Variants in DPP10 observed in about 807,000 individuals in gnomAD.
The protein encoded by DPP10 is inactive dipeptidyl peptidase 10.
In DPP10, 33 loss-of-function variants were observed where a neutral mutation model predicts 120.9. The observed-to-expected ratio is 0.27, with a 90% confidence interval of 0.21 to 0.37. The LOEUF is 0.37. Among genes scored for constraint, DPP10 ranks in the 10% least tolerant of loss-of-function variants. The pLI is 1.00. For synonymous variants in DPP10, 337 were observed against 326.1 expected (o/e 1.03, Z -0.36); for missense variants, 816 against 942.8 (o/e 0.87, Z 1.76).
At chr2:114,459,613 G>C (rs1678762776) in intron 1 of DPP10, among the ~76,000 whole-genome samples, 1 of 152,042 alleles carries the variant, frequency 6.6e-6, no homozygotes, top group African/African-American at 2.4e-5. Flanking sequence ...ATTACAAGAG[G>C]CCTCATGGTG....
chr2:114,686,992 AC>A (rs1699414089), intron 1 of DPP10, among the ~76,000 whole-genome samples: 1 of 152,008 alleles, frequency 6.6e-6, no homozygotes, highest in Non-Finnish European at 1.5e-5. Flanking sequence ...CAATATATGA[AC>A]AAAATCTATA....
chr2:114,596,774 G>C (rs1691943902), intron 1 of DPP10, among the ~76,000 whole-genome samples: 1 of 151,890 alleles, frequency 6.6e-6, no homozygotes, highest in South Asian at 2.1e-4. Context: ...TACAAAATCA[G>C]TAAGTCATGA....
At chr2:115,534,201 C>T (rs1167462418) in intron 5 of DPP10, among the ~76,000 whole-genome samples, 2 of 151,854 alleles carry the variant, frequency 1.3e-5, no homozygotes, top group East Asian at 1.9e-4. Flanking sequence ...TGCTGGTGTG[C>T]TGCACCCACT....
intron 2 of DPP10, among the ~76,000 whole-genome samples, chr2:115,324,884 T>A (rs1409228337): frequency 1.3e-5 from 2 of 152,088 alleles, no homozygotes; most frequent in African/African-American, 4.8e-5. Context: ...TTGCCCTAAT[T>A]TCAATATTGT....
chr2:115,554,113 A>G (rs931743323), intron 5 of DPP10, among the ~76,000 whole-genome samples: 2 of 151,710 alleles, frequency 1.3e-5, no homozygotes, highest in East Asian at 1.9e-4. Context: ...AGTGATTACT[A>G]AAGTGTCTAC....
chr2:115,808,927 A>C (rs1180993278), intron 19 of DPP10, among the ~76,000 whole-genome samples: 1 of 152,204 alleles, frequency 6.6e-6, no homozygotes, highest in Non-Finnish European at 1.5e-5. Context: ...CGGCATGAAC[A>C]ACCTTGATCG....
intron 1 of DPP10, among the ~76,000 whole-genome samples, chr2:115,195,381 G>A (rs1007656905): frequency 1.3e-5 from 2 of 152,148 alleles, no homozygotes; most frequent in Non-Finnish European, 2.9e-5. Context: ...TTGCAACTGT[G>A]GAAGGTAAAC....
chr2:115,371,350 T>C (rs967023858), intron 3 of DPP10, among the ~76,000 whole-genome samples: 14 of 152,330 alleles, frequency 9.2e-5, no homozygotes, highest in African/African-American at 3.4e-4. Flanking sequence ...ATGTAGCTCA[T>C]AGCTCATAAA....
At chr2:114,482,759 C>T (rs1333975751) in intron 1 of DPP10, among the ~76,000 whole-genome samples, 1 of 152,124 alleles carries the variant, frequency 6.6e-6, no homozygotes, top group East Asian at 1.9e-4. Context: ...TCAGAGATTG[C>T]TTATTAGCCA....
At chr2:115,419,921 C>G (rs2104667333) in intron 3 of DPP10, among the ~76,000 whole-genome samples, 1 of 152,226 alleles carries the variant, frequency 6.6e-6, no homozygotes, top group African/African-American at 2.4e-5. Context: ...ATCTTTACCT[C>G]TTGTGGTTCT....
chr2:115,438,609 T>TA (rs1201873911), intron 3 of DPP10, among the ~76,000 whole-genome samples: 29 of 152,224 alleles, frequency 1.9e-4, no homozygotes, highest in African/African-American at 6.8e-4. Flanking sequence ...AGATGAATCC[T>TA]AAAATCATTA....
intron 1 of DPP10, among the ~76,000 whole-genome samples, chr2:115,114,764 A>G (rs1394205145): frequency 6.6e-6 from 1 of 152,146 alleles, no homozygotes; most frequent in East Asian, 1.9e-4. Flanking sequence ...AGTAAGAAAT[A>G]CTAGAATTAG....
intron 1 of DPP10, among the ~76,000 whole-genome samples, chr2:114,717,251 A>C (rs1238483474): frequency 6.6e-6 from 1 of 152,198 alleles, no homozygotes; most frequent in Admixed American, 6.5e-5. Flanking sequence ...GGCCATAGAA[A>C]GTGTCAGATC....
intron 1 of DPP10, among the ~76,000 whole-genome samples, chr2:115,200,214 C>T (rs192362095): frequency 1.3e-5 from 2 of 152,116 alleles, no homozygotes; most frequent in Non-Finnish European, 1.5e-5. Context: ...TTCGGTTGGG[C>T]GTCTTTTCCA....
At chr2:115,808,473 T>G (rs1391986590) in intron 19 of DPP10, among the ~76,000 whole-genome samples, 3 of 152,158 alleles carry the variant, frequency 2.0e-5, no homozygotes, top group Admixed American at 2.0e-4. Flanking sequence ...AGAACTAGGT[T>G]AATAATATTG....
intron 1 of DPP10, among the ~76,000 whole-genome samples, chr2:115,140,227 A>G (rs1347900522): frequency 6.6e-6 from 1 of 152,208 alleles, no homozygotes; most frequent in Non-Finnish European, 1.5e-5. Context: ...GCACAGTGAC[A>G]TTTGACAGAG....
chr2:115,140,407 C>T (rs1474962142), intron 1 of DPP10, among the ~76,000 whole-genome samples: 4 of 152,152 alleles, frequency 2.6e-5, no homozygotes, highest in Admixed American at 2.0e-4. Flanking sequence ...GATGATGGCT[C>T]AGAGCTGGTG....
chr2:115,589,726 A>G (rs753867627), intron 5 of DPP10, among the ~76,000 whole-genome samples: 23 of 152,194 alleles, frequency 1.5e-4, no homozygotes, highest in Admixed American at 7.2e-4. Flanking sequence ...ATGGAATACC[A>G]AAGCTCAGAA....
chr2:115,237,119 C>T (rs1048806037), intron 1 of DPP10, among the ~76,000 whole-genome samples: 6 of 151,784 alleles, frequency 4.0e-5, no homozygotes, highest in African/African-American at 1.4e-4. Context: ...TGTTATTGTG[C>T]TTTGCAGACA....
Sources: gnomAD v4.1 joint callset for allele counts (sites outside exome capture counted in the v4.1 genomes callset) on GRCh38, gnomAD v4.1.1 for gene constraint, MANE v1.5 for transcripts, NCBI Gene and HGNC (gene_info 2026-07-23, HGNC 2026-07-21) for gene names.